The following AUTS2 variants were observed in gnomAD, a reference collection of about 807,000 sequenced individuals.
The protein encoded by AUTS2 is autism susceptibility gene 2 protein.
A neutral mutation model predicts 112.4 loss-of-function variants in AUTS2; 17 were observed. The observed-to-expected ratio is 0.15, with a 90% CI of 0.10 to 0.23. The LOEUF (loss-of-function observed/expected upper bound fraction) is 0.23, where lower values mean the gene tolerates loss of function less well. AUTS2 is among the 10% of genes least tolerant of loss of function. The probability of loss-of-function intolerance (pLI) is 1.00; values close to 1 mark genes in which losing one functional copy is unlikely to be tolerated. For missense variants in AUTS2, 1,510 were observed against 1,701.6 expected (o/e 0.89, Z 1.98); for synonymous variants, 751 against 702.7 (o/e 1.07, Z -1.09).
intron 5 of AUTS2, among the ~76,000 whole-genome samples, chr7:70,494,895 G>A (rs1339859026): frequency 6.6e-6 from 1 of 151,754 alleles, no homozygotes; most frequent in African/African-American, 2.4e-5. Context: ...CCCAGTCACT[G>A]TTATTCCTTA....
At chr7:70,150,919 CA>C (rs1388745849) in intron 4 of AUTS2, among the ~76,000 whole-genome samples, 1 of 152,190 alleles carries the variant, frequency 6.6e-6, no homozygotes, top group African/African-American at 2.4e-5. Context: ...ATACATGACA[CA>C]ATGGTTTGCA....
intron 2 of AUTS2, among the ~76,000 whole-genome samples, chr7:70,002,151 AGAATGACAGCAT>A (rs1799228492): frequency 6.6e-6 from 1 of 152,214 alleles, no homozygotes; most frequent in African/African-American, 2.4e-5. Context: ...TAGTGCTTAC[AGAATGACAGCAT>A]GAATTCAGCA....
intron 1 of AUTS2, among the ~76,000 whole-genome samples, chr7:69,752,761 G>A (rs1398261661): frequency 6.6e-6 from 1 of 152,100 alleles, no homozygotes; most frequent in Admixed American, 6.6e-5. Flanking sequence ...ACTTTTAGGA[G>A]GAAGGCATTC....
intron 4 of AUTS2, among the ~76,000 whole-genome samples, chr7:70,366,764 C>A (rs999926055): frequency 6.6e-6 from 1 of 151,908 alleles, no homozygotes; most frequent in Admixed American, 6.6e-5. Flanking sequence ...ATGTGGAGAA[C>A]GGAGAAACAA....
chr7:70,295,971 C>T (rs1423378066), intron 4 of AUTS2, among the ~76,000 whole-genome samples: 1 of 151,908 alleles, frequency 6.6e-6, no homozygotes, highest in Non-Finnish European at 1.5e-5. Flanking sequence ...TTGATAACTT[C>T]CAATGTTGTA....
chr7:70,339,345 T>C (rs889927842), intron 4 of AUTS2, among the ~76,000 whole-genome samples: 1 of 152,218 alleles, frequency 6.6e-6, no homozygotes, highest in African/African-American at 2.4e-5. Flanking sequence ...TAAATTTGAC[T>C]GGGATATTGG....
intron 1 of AUTS2, among the ~76,000 whole-genome samples, chr7:69,668,056 A>G (rs1339801840): frequency 2.5e-5 from 3 of 118,450 alleles, no homozygotes; most frequent in Non-Finnish European, 5.3e-5. Flanking sequence ...GACAGGCAAC[A>G]AATGACTGTT....
At chr7:69,809,229 C>A (rs1790439387) in intron 1 of AUTS2, among the ~76,000 whole-genome samples, 1 of 152,130 alleles carries the variant, frequency 6.6e-6, no homozygotes, top group Non-Finnish European at 1.5e-5. Context: ...CACCCGCCAC[C>A]ACGCCTGGCT....
chr7:69,797,840 C>T (rs1789914948), intron 1 of AUTS2, among the ~76,000 whole-genome samples: 2 of 152,078 alleles, frequency 1.3e-5, no homozygotes, highest in Non-Finnish European at 2.9e-5. Flanking sequence ...TATTTGAGAA[C>T]AATGAATGGA....
intron 1 of AUTS2, among the ~76,000 whole-genome samples, chr7:69,612,087 A>G (rs1283494958): frequency 6.6e-6 from 1 of 152,184 alleles, no homozygotes; most frequent in South Asian, 2.1e-4. Flanking sequence ...AGTTGTTTCC[A>G]GAATCACTGA....
chr7:70,765,974 C>A, intron 8 of AUTS2, 140 bp from the exon 9 acceptor site: 5 of 1,413,208 alleles, frequency 3.5e-6, no homozygotes, highest in Non-Finnish European at 4.7e-6. Context: ...TCATTGATTG[C>A]CCCCGTTTAT....
At chr7:69,696,629 T>C (rs1797574672) in intron 1 of AUTS2, among the ~76,000 whole-genome samples, 1 of 152,192 alleles carries the variant, frequency 6.6e-6, no homozygotes, top group Admixed American at 6.5e-5. Context: ...TGAGGAGATC[T>C]TTGCTGAATG....
At chr7:70,596,147 G>GGCGGGCCGGGGCGCTCC (rs1374421109) in intron 5 of AUTS2, 10 of 152,848 alleles carry the variant, frequency 6.5e-5, no homozygotes, top group South Asian at 1.8e-4. Context: ...TGAGGAGCGA[G>GGCGGGCCGGGGCGCTCC]GCGGGCCGGG....
chr7:69,997,519 GT>G, intron 2 of AUTS2, among the ~76,000 whole-genome samples: 1 of 152,274 alleles, frequency 6.6e-6, no homozygotes, highest in Admixed American at 6.5e-5. Context: ...AAGAAAGGAA[GT>G]TTATTTGGCT....
Position 70,492,658 on chromosome 7 carries a change from A to G in AUTS2, c.690+56877A>G, listed in dbSNP as rs184317860. 3.6e-3 allele frequency among the ~76,000 whole-genome samples: 542 copies of G among 152,316 alleles called. 13 individuals are homozygous for G. Among genetic ancestry groups the G allele is most frequent in the Non-Finnish European group, 4.4e-3 (297 of 68,026 alleles). The stretch of plus-strand genomic sequence containing the variant: ...GAGACAAAGCGGAGACCATAAGCCC[A>G]GAAGTGCTGATTCCCAGGGCTCCCT... On this transcript the variant is annotated intron_variant, in intron 5 of 18. Coordinates refer to ENST00000342771, the MANE Select transcript of AUTS2 (RefSeq NM_015570.4).
At chr7:70,752,296 T>G (rs949264505) in intron 6 of AUTS2, among the ~76,000 whole-genome samples, 2 of 152,144 alleles carry the variant, frequency 1.3e-5, no homozygotes, top group African/African-American at 2.4e-5. Flanking sequence ...CTTTAAAAGC[T>G]TTCTCCGAAA....
chr7:70,239,414 G>A (rs914914674), intron 4 of AUTS2, among the ~76,000 whole-genome samples: 1 of 152,088 alleles, frequency 6.6e-6, no homozygotes, highest in Non-Finnish European at 1.5e-5. Context: ...AATTCATGCA[G>A]AGCCAGCCCT....
intron 5 of AUTS2, among the ~76,000 whole-genome samples, chr7:70,493,086 G>A (rs1798314019): frequency 6.6e-6 from 1 of 152,104 alleles, no homozygotes; most frequent in African/African-American, 2.4e-5. Context: ...AGTGATTGCT[G>A]GTAAAGATGC....
At chr7:70,100,939 A>G (rs1804454832) in intron 2 of AUTS2, among the ~76,000 whole-genome samples, 2 of 151,996 alleles carry the variant, frequency 1.3e-5, no homozygotes, top group Non-Finnish European at 2.9e-5. Context: ...GTGCAGTGGC[A>G]TGATCTCGGC....
Sources: allele counts gnomAD v4.1 joint callset (sites outside exome capture counted in the v4.1 genomes callset), GRCh38; gene constraint gnomAD v4.1.1; transcripts MANE v1.5; gene names NCBI Gene and HGNC (gene_info 2026-07-23, HGNC 2026-07-21).